Variants in PHF12 observed in about 807,000 individuals in gnomAD.
PHF12 encodes the protein PHD factor 1.
A neutral mutation model predicts 99.8 loss-of-function variants in PHF12; 6 were observed. The ratio of observed to expected loss-of-function variants is 0.06; its 90% CI spans 0.03 to 0.12. PHF12 has a LOEUF of 0.12. PHF12 is among the 10% of genes least tolerant of loss of function. The pLI, the probability that PHF12 is intolerant of heterozygous loss-of-function variation, is 1.00. For missense variants in PHF12, 954 were observed against 1,300.1 expected, an observed-to-expected ratio of 0.73 and a Z score of 4.09; for synonymous variants, 480 against 514.9, an observed-to-expected ratio of 0.93 and a Z score of 0.92.
At chr17:28,919,325 AAACT>A in intron 5 of PHF12, 50 bp from the exon 6 acceptor site, 1 of 1,595,080 alleles carries the variant, frequency 6.3e-7, no homozygotes, top group Non-Finnish European at 8.6e-7. Context: ...AGGAAAATTC[AAACT>A]AACTTTGACC....
Position 28,906,135 on chromosome 17 carries a change from A to C in PHF12, c.*48T>G, listed in dbSNP as rs1232845494. ...TGGTTTGTGTACATTTTTGCATTGC[A>C]GGAGTCTTGGGTGGGTGTACAGGCC... On this transcript the variant is annotated 3_prime_UTR_variant, in exon 15 of 15. Coordinates refer to ENST00000332830, the MANE Select transcript of PHF12 (RefSeq NM_001033561.2). The surrounding 1 kb of genome is among the most constrained non-coding windows in gnomAD (Gnocchi z 4.2). 1.3e-6 allele frequency: 2 copies of C among 1,525,098 alleles called. No individual in the cohort carries two copies. The highest frequency in any genetic ancestry group is 4.6e-5 in the East Asian group (2 of 43,674). 94.5% of individuals were successfully genotyped at this position (1,525,098 alleles called of 1,614,324 possible).
At position 28,923,653 on chromosome 17, in the gene PHF12, C is replaced by CAAAAAAAAAAAAA. The variant is rs35263191; in HGVS notation, c.715+243_715+255dup. 1.5e-3 allele frequency among the ~76,000 whole-genome samples: 66 copies of CAAAAAAAAAAAAA among 43,480 alleles called. 2 individuals are homozygous for CAAAAAAAAAAAAA. The highest frequency in any genetic ancestry group is 9.2e-3 in the East Asian group (11 of 1,190). 28.5% of individuals were successfully genotyped at this position (43,480 alleles called of 152,430 possible). A position where few individuals can be genotyped will look rare whatever the true frequency, so the allele number is the denominator to read the frequency against. ...AGCCTGAGTGACAAAGTGAGACTCA[C>CAAAAAAAAAAAAA]AAAAAAAAAAAAAAAAAAAAAAGGA... On this transcript the variant is annotated intron_variant, in intron 4 of 14. Transcript: ENST00000332830.
chr17:28,929,243 A>T (rs550515215), intron 2 of PHF12, among the ~76,000 whole-genome samples: 1 of 151,206 alleles, frequency 6.6e-6, no homozygotes, highest in East Asian at 2.0e-4. Flanking sequence ...AAAAAAAAAA[A>T]TTGAGTATTT....
rs369612467 is a variant in PHF12, at chr17:28,917,320, G to A, written c.1099C>T (p.Arg367Cys). Residue 367 changes from arginine (R) to cysteine (C), a missense_variant, in exon 7 of 15, where the codon CGT (arginine) becomes TGT (cysteine). Physicochemically the swap from Arg to Cys is radical, Grantham distance 180 (BLOSUM62 -3). This residue lies in a region of PHF12 where 392 missense variants were observed against 423.1 expected (regional missense o/e 0.93). Coordinates refer to ENST00000332830, the MANE Select transcript of PHF12 (RefSeq NM_001033561.2). Reference protein sequence around the residue: ...RIHKKHPPNRRVLQSVKRRSL... With the variant: ...RIHKKHPPNRCVLQSVKRRSL... ...CTTCTTTTGACCGACTGGAGCACAC[G>A]CCGGTTAGGGGGGTGCTTCTTGTGG... 3.7e-6 allele frequency: 6 copies of A among 1,613,924 alleles called. No homozygotes were observed. The highest frequency in any genetic ancestry group is 1.3e-5 in the African/African-American group (1 of 74,886).
At chr17:28,921,348 G>A (rs1397719141) in intron 5 of PHF12, among the ~76,000 whole-genome samples, 1 of 151,676 alleles carries the variant, frequency 6.6e-6, no homozygotes, top group Non-Finnish European at 1.5e-5. Flanking sequence ...ATTTTTTTTT[G>A]TAGAGACAAG....
intron 6 of PHF12, among the ~76,000 whole-genome samples, chr17:28,918,428 T>C (rs1312464999): frequency 2.6e-5 from 4 of 152,390 alleles, no homozygotes; most frequent in South Asian, 4.1e-4. Flanking sequence ...TTCTCTTCCA[T>C]GTGTGCAAGT....
intron 2 of PHF12, among the ~76,000 whole-genome samples, chr17:28,948,362 G>A (rs1266021014): frequency 6.6e-6 from 1 of 152,212 alleles, no homozygotes; most frequent in Non-Finnish European, 1.5e-5. Flanking sequence ...TTTCTCCTAA[G>A]AATAGCAAAA....
chr17:28,940,024 G>A (rs1393072528), intron 2 of PHF12, among the ~76,000 whole-genome samples: 6 of 152,232 alleles, frequency 3.9e-5, no homozygotes, highest in Non-Finnish European at 8.8e-5. Context: ...TACTCTGTAT[G>A]TCTTTTGTCC....
chr17:28,950,258 T>C lies in PHF12; in HGVS notation c.67-12A>G. 6.2e-7 allele frequency: 1 copy of C among 1,602,746 alleles called. No individual in the cohort carries two copies. Among genetic ancestry groups the C allele is most frequent in the Non-Finnish European group, 8.5e-7 (1 of 1,178,096 alleles). ...AGAGCTTGGATTTGCTGCACACACATACAAACGGCGTGTGTGCACACTCGG... is the reference window on the plus strand; with the variant it reads ...AGAGCTTGGATTTGCTGCACACACACACAAACGGCGTGTGTGCACACTCGG... On this transcript the variant is annotated splice_polypyrimidine_tract_variant and intron_variant, in intron 1 of 14. Transcript: ENST00000332830. The surrounding 1 kb of genome is among the most constrained non-coding windows in gnomAD (Gnocchi z 5.7).
intron 7 of PHF12, 140 bp from the exon 8 acceptor site, chr17:28,914,177 G>T: frequency 3.1e-6 from 3 of 956,412 alleles, no homozygotes; most frequent in Non-Finnish European, 4.6e-6. Context: ...GGAAAAGGAG[G>T]CTCAGAAATG....
At chr17:28,941,564 A>C (rs2040616782) in intron 2 of PHF12, among the ~76,000 whole-genome samples, 1 of 152,180 alleles carries the variant, frequency 6.6e-6, no homozygotes, top group Non-Finnish European at 1.5e-5. Context: ...AGCACATTTT[A>C]ATTGACCTGA....
intron 6 of PHF12, 77 bp downstream of exon 6, chr17:28,919,065 AC>A: frequency 6.7e-7 from 1 of 1,501,282 alleles, no homozygotes. Flanking sequence ...CACCAAGCTG[AC>A]CTTAATATGC....
At chr17:28,939,810 G>A (rs1840338060) in intron 2 of PHF12, among the ~76,000 whole-genome samples, 2 of 152,228 alleles carry the variant, frequency 1.3e-5, no homozygotes, top group Non-Finnish European at 2.9e-5. Context: ...ACTCAAGCTT[G>A]CTAGTAATTC....
chr17:28,930,793 G>A (rs147998266), intron 2 of PHF12, among the ~76,000 whole-genome samples: 34 of 152,256 alleles, frequency 2.2e-4, no homozygotes, highest in Non-Finnish European at 5.0e-4. Context: ...ACTTCTGGCC[G>A]GGTGCAGTAG....
At position 28,905,545 on chromosome 17, in the gene PHF12, A is replaced by G. The variant is rs2039858113; in HGVS notation, c.*638T>C. 6.6e-6 allele frequency: 1 copy of G among 152,620 alleles called. No homozygotes were observed. Among genetic ancestry groups the G allele is most frequent in the South Asian group, 2.1e-4 (1 of 4,838 alleles). The allele number at this position is 152,620 out of a possible 1,614,324, so 9.5% of individuals were successfully genotyped here. A position where few individuals can be genotyped will look rare whatever the true frequency, so the allele number is the denominator to read the frequency against. Reference sequence around the variant, plus strand: ...TGTCATCACTAGATGTATTTACACAAAATCCAAATACACTTTTCCTTATTT... The same window carrying G: ...TGTCATCACTAGATGTATTTACACAGAATCCAAATACACTTTTCCTTATTT... On this transcript the variant is annotated 3_prime_UTR_variant, in exon 15 of 15. Transcript: ENST00000332830.
At chr17:28,907,718 T>C (rs765121157) in intron 12 of PHF12, 46 bp from the exon 13 acceptor site, 2 of 1,573,708 alleles carry the variant, frequency 1.3e-6, no homozygotes, top group African/African-American at 1.3e-5. Context: ...GAGAACAGAT[T>C]GTAAGGTGCA....
At chr17:28,925,638 C>CA (rs1304705804) in intron 3 of PHF12, 1 of 152,212 alleles carries the variant, frequency 6.6e-6, no homozygotes, top group Non-Finnish European at 1.5e-5. Context: ...GAAGAGGTAA[C>CA]AGAGGTTTGG....
At chr17:28,908,232 T>C (rs73264601) in intron 12 of PHF12, 1,950 of 161,330 alleles carry the variant, frequency 0.012, 41 homozygotes, top group African/African-American at 0.044. Flanking sequence ...AGTGCCTCCC[T>C]GGGCAGTAGT....
At chr17:28,913,394 T>C in intron 8 of PHF12, 117 bp from the exon 9 acceptor site, 1 of 1,476,448 alleles carries the variant, frequency 6.8e-7, no homozygotes, top group Non-Finnish European at 8.9e-7. Flanking sequence ...CCATCATGAA[T>C]GCTCACAAAG....
Sources: allele counts gnomAD v4.1 joint callset (sites outside exome capture counted in the v4.1 genomes callset), GRCh38; gene constraint gnomAD v4.1.1; regional missense constraint gnomAD v4.1.1; non-coding constraint Gnocchi (gnomAD v3.1); transcripts MANE v1.5; gene names NCBI Gene and HGNC (gene_info 2026-07-23, HGNC 2026-07-21).